SMAD6: variants seen among roughly 807,000 people sequenced by gnomAD.
SMAD6 encodes the protein SMAD family member 6, also known as MAD homolog 6.
A neutral mutation model predicts 39.4 loss-of-function variants in SMAD6; 103 were observed. That is an observed-to-expected ratio of 2.62 (90% confidence interval 2.23 to 3.08). The LOEUF is 3.08. SMAD6 is among the 30% of genes most tolerant of loss of function. The pLI, the probability that SMAD6 is intolerant of heterozygous loss-of-function variation, is 0.00. For synonymous variants in SMAD6, 445 were observed against 353.3 expected, an observed-to-expected ratio of 1.26 and a Z score of -2.91; for missense variants, 1,104 against 742.9, an observed-to-expected ratio of 1.49 and a Z score of -5.65.
chr15:66,732,416 G>A (rs1482383989), intron 3 of SMAD6, among the ~76,000 whole-genome samples: 1 of 152,178 alleles, frequency 6.6e-6, no homozygotes, highest in African/African-American at 2.4e-5. Flanking sequence ...CAGTGGTACA[G>A]CCATGGCTCA....
chr15:66,733,878 G>C (rs1190311920), intron 3 of SMAD6, among the ~76,000 whole-genome samples: 1 of 152,220 alleles, frequency 6.6e-6, no homozygotes, highest in Non-Finnish European at 1.5e-5. Context: ...CACATAAACT[G>C]CAGGATGGGA....
In SMAD6 at chr15:66,747,434, G is replaced by C. The variant is rs913196994; in HGVS notation, c.952+30936G>C. Among the ~76,000 whole-genome samples, 6 of 152,230 alleles carry C rather than the reference G, an allele frequency of 3.9e-5. No individual in the cohort carries two copies. Among genetic ancestry groups the C allele is most frequent in the Admixed American group, 2.0e-4 (3 of 15,290 alleles). On this transcript the variant is annotated intron_variant, in intron 3 of 3. Coordinates refer to ENST00000288840, the MANE Select transcript of SMAD6 (RefSeq NM_005585.5). The surrounding 1 kb of genome is among the most constrained non-coding windows in gnomAD (Gnocchi z 4.5). ...GTGGGGAACTAAGCCTGCTCCTCCC[G>C]GCTGGTCTTTGTGGGCCCTGGCCCC...
rs76695351 is a variant in SMAD6 at position 66,759,856 on chromosome 15, G to C, written c.953-21141G>C. Among the ~76,000 whole-genome samples the C allele has an allele frequency of 7.7e-3, 1,178 of 152,268 alleles. 88 individuals are homozygous for C. The East Asian group carries it at 0.17, about 22-fold the overall frequency. On this transcript the variant is annotated intron_variant, in intron 3 of 3. Coordinates refer to ENST00000288840, the MANE Select transcript of SMAD6 (RefSeq NM_005585.5). ...GAGCAGGGTCCCTGCCCTCTGTTGG[G>C]GTGTGCATACCTGAGATTGGGAACT...
At chr15:66,707,233 T>C (rs1027585621) in intron 1 of SMAD6, 2 of 152,166 alleles carry the variant, frequency 1.3e-5, no homozygotes, top group African/African-American at 2.4e-5. Flanking sequence ...CTCCTGAAAG[T>C]ATCCATTAAC....
At chr15:66,760,006 C>T (rs1894170316) in intron 3 of SMAD6, among the ~76,000 whole-genome samples, 2 of 152,206 alleles carry the variant, frequency 1.3e-5, no homozygotes, top group Admixed American at 1.3e-4. Context: ...GCAATCTGGT[C>T]AAACGAGACC....
chr15:66,759,999 A>G (rs770237189), intron 3 of SMAD6, among the ~76,000 whole-genome samples: 6 of 152,160 alleles, frequency 3.9e-5, no homozygotes, highest in East Asian at 3.9e-4. Flanking sequence ...CCCTTCTGCA[A>G]TCTGGTCAAA....
intron 2 of SMAD6, 119 bp downstream of exon 2, chr15:66,711,843 G>A (rs1893238235): frequency 1.2e-6 from 1 of 824,622 alleles, no homozygotes; most frequent in South Asian, 1.4e-5. Context: ...AGGGGTGAAA[G>A]CCGGACTGGT....
At chr15:66,749,324 G>A (rs1290358663) in intron 3 of SMAD6, among the ~76,000 whole-genome samples, 2 of 152,264 alleles carry the variant, frequency 1.3e-5, no homozygotes, top group East Asian at 1.9e-4. Context: ...CAGGCATGGT[G>A]GTGGGTGCCT....
chr15:66,761,924 G>A (rs1313223256), intron 3 of SMAD6, among the ~76,000 whole-genome samples: 1 of 152,142 alleles, frequency 6.6e-6, no homozygotes, highest in East Asian at 1.9e-4. Context: ...CACTGGGGTG[G>A]TGTGTGGATT....
Position 66,703,713 on chromosome 15 carries a change from C to A in SMAD6, c.455C>A (p.Pro152Gln). 7.5e-7 allele frequency: 1 copy of A among 1,334,842 alleles called. No individual in the cohort carries two copies. The highest frequency in any genetic ancestry group is 3.4e-5 in the East Asian group (1 of 29,438). 82.7% of individuals were successfully genotyped at this position (1,334,842 alleles called of 1,614,324 possible). ...SDPLAGAALE[P>Q]AGGGRSREAR... is the part of the protein sequence containing the mutation. ...CCCCTGGCCGGGGCGGCCCTGGAGC[C>A]GGCGGGCGGCGGGCGGAGTCGCGAA... The change falls in exon 1 of 4, where the codon CCG (proline) becomes CAG (glutamine). Residue 152 changes from proline to glutamine, a missense_variant. Transcript: ENST00000288840.
rs949818992 is a variant in SMAD6, at chr15:66,773,146, C to G, written c.953-7851C>G. 9.9e-5 allele frequency among the ~76,000 whole-genome samples: 14 copies of G among 141,528 alleles called. No individual in the cohort carries two copies. In the South Asian group the frequency reaches 2.6e-3, roughly 26 times the overall value. The allele number at this position is 141,528 out of a possible 152,430, so 92.8% of individuals were successfully genotyped here. On this transcript the variant is annotated intron_variant, in intron 3 of 3. Transcript: ENST00000288840. ...GCCAGACCGCCCGTGATGTAATGACCGATTAGGAACTTCCCCTTGGAAGCC... is the reference window on the plus strand; with the variant it reads ...GCCAGACCGCCCGTGATGTAATGACGGATTAGGAACTTCCCCTTGGAAGCC...
chr15:66,758,184 T>C (rs532974316), intron 3 of SMAD6, among the ~76,000 whole-genome samples: 2 of 152,350 alleles, frequency 1.3e-5, no homozygotes, highest in South Asian at 4.1e-4. Context: ...TCTTTTTTAT[T>C]ATTAATATGA....
At chr15:66,778,401 C>A (rs943158685) in intron 3 of SMAD6, among the ~76,000 whole-genome samples, 20 of 152,186 alleles carry the variant, frequency 1.3e-4, no homozygotes, top group Admixed American at 1.2e-3. Flanking sequence ...TCCCCTGCCC[C>A]CTGTGCCCCT....
chr15:66,772,268 G>T (rs1480393961), intron 3 of SMAD6, among the ~76,000 whole-genome samples: 1 of 152,178 alleles, frequency 6.6e-6, no homozygotes, highest in Non-Finnish European at 1.5e-5. Flanking sequence ...GAGAGGTTGG[G>T]GTATGTTTCC....
At chr15:66,773,534 A>C (rs114199987) in intron 3 of SMAD6, among the ~76,000 whole-genome samples, 290 of 152,300 alleles carry the variant, frequency 1.9e-3, no homozygotes, top group African/African-American at 6.7e-3. Flanking sequence ...TTGATAACAA[A>C]AACTACTTAT....
chr15:66,715,213 G>A (rs1893304687), intron 2 of SMAD6, among the ~76,000 whole-genome samples: 1 of 150,442 alleles, frequency 6.6e-6, no homozygotes, highest in Non-Finnish European at 1.5e-5. Flanking sequence ...CTAAGCCTCT[G>A]TGATCACATG....
chr15:66,741,516 T>C (rs1893815233), intron 3 of SMAD6, among the ~76,000 whole-genome samples: 2 of 152,176 alleles, frequency 1.3e-5, no homozygotes, highest in African/African-American at 4.8e-5. Flanking sequence ...GGAGGACATA[T>C]AACTTGTAGA....
chr15:66,704,103 C>G (rs532444860), intron 1 of SMAD6, 28 bp downstream of exon 1: 44 of 1,385,268 alleles, frequency 3.2e-5, no homozygotes, highest in Admixed American at 1.3e-4. Context: ...GCCGGGGGGG[C>G]CCCGGGTCCC....
At chr15:66,741,205 C>A (rs1893808699) in intron 3 of SMAD6, 1 of 152,234 alleles carries the variant, frequency 6.6e-6, no homozygotes, top group Non-Finnish European at 1.5e-5. Flanking sequence ...GATGCCTTTG[C>A]CCTGTAAGCA....
Sources: gnomAD v4.1 joint callset for allele counts (sites outside exome capture counted in the v4.1 genomes callset) on GRCh38, gnomAD v4.1.1 for gene constraint, Gnocchi (gnomAD v3.1) non-coding constraint, MANE v1.5 for transcripts, NCBI Gene and HGNC (gene_info 2026-07-23, HGNC 2026-07-21) for gene names.